The following SACS variants were observed in gnomAD, a reference collection of about 807,000 sequenced individuals.
SACS encodes the protein sacsin molecular chaperone, also known as sacsin.
In SACS, 197 loss-of-function variants were observed where a neutral mutation model predicts 348.0. The ratio of observed to expected loss-of-function variants is 0.57; its 90% CI spans 0.50 to 0.64. The LOEUF is 0.64. Ranked by LOEUF, SACS falls within the 30% of genes least tolerant of loss-of-function variation. The probability of loss-of-function intolerance (pLI) is 0.00; values close to 1 mark genes in which losing one functional copy is unlikely to be tolerated. For missense variants in SACS, 4,999 were observed against 5,360.8 expected (o/e 0.93, Z 2.11); for synonymous variants, 1,985 against 1,910.6 (o/e 1.04, Z -1.02).
chr13:23,366,863 A>T (rs1871097746), intron 5 of SACS, among the ~76,000 whole-genome samples: 1 of 152,218 alleles, frequency 6.6e-6, no homozygotes, highest in Non-Finnish European at 1.5e-5. Flanking sequence ...TGTTTCAGCA[A>T]ACACAAATAC....
rs752457263 is a variant in SACS, at chr13:23,334,911, T to C, written c.8965A>G (p.Met2989Val). 2 of 1,613,876 alleles carry C rather than the reference T, an allele frequency of 1.2e-6. No individual in the cohort carries two copies. Among genetic ancestry groups the C allele is most frequent in the South Asian group, 1.1e-5 (1 of 91,078 alleles). ...CGCACAACAGGTAAAAGACGTTTCA[T>C]GTCTTCGTGAATGCAATTGTAAAGT... is the stretch of plus-strand genomic sequence containing the variant. ...KALYNCIHED[M>V]KRLLPVVRAP... is the part of the protein sequence containing the mutation. The change falls in exon 10 of 10, where the codon ATG becomes GTG. Residue 2989 changes from methionine to valine, a missense_variant. Physicochemically the swap from Met to Val is conservative, Grantham distance 21. Coordinates refer to ENST00000382292, the MANE Select transcript of SACS (RefSeq NM_014363.6).
In SACS at chr13:23,333,115, T is replaced by C; in HGVS notation, c.10761A>G (p.Arg3587=). 5 of 1,613,700 alleles carry C rather than the reference T, an allele frequency of 3.1e-6. No homozygotes were observed. Among genetic ancestry groups the C allele is most frequent in the Non-Finnish European group, 4.2e-6 (5 of 1,179,748 alleles). Residue 3587 remains arginine (R), a synonymous_variant, in exon 10 of 10, where the codon AGA becomes AGG. Coordinates refer to ENST00000382292, the MANE Select transcript of SACS (RefSeq NM_014363.6). ...AAAGTATGTATTTTAGTCCAATATT[T>C]CTTAAGAATTCCACCCAGGATGTCA... The part of the protein sequence containing the change: ...TFMTSWVEFL[R]NIGLKYILSQ...
chr13:23,407,978 A>G (rs1873307064), intron 2 of SACS, among the ~76,000 whole-genome samples: 1 of 152,202 alleles, frequency 6.6e-6, no homozygotes, highest in Admixed American at 6.5e-5. Context: ...CTCACACTGC[A>G]CATTGGCTGT....
chr13:23,346,767 A>G (rs1487163496), intron 9 of SACS: 3 of 956,112 alleles, frequency 3.1e-6, no homozygotes, highest in Non-Finnish European at 3.7e-6. Flanking sequence ...CCAAATGAAC[A>G]AAAACATCAG....
At chr13:23,409,550 G>A (rs1384297367) in intron 2 of SACS, among the ~76,000 whole-genome samples, 1 of 148,664 alleles carries the variant, frequency 6.7e-6, no homozygotes, top group Non-Finnish European at 1.5e-5. Flanking sequence ...GTTTTGCCAT[G>A]TTGGTCAGGC....
At chr13:23,400,613 G>A (rs567196042) in intron 2 of SACS, among the ~76,000 whole-genome samples, 8 of 152,200 alleles carry the variant, frequency 5.3e-5, no homozygotes, top group East Asian at 3.9e-4. Flanking sequence ...GTAGAGACAC[G>A]GTTTCACCGT....
intron 9 of SACS, among the ~76,000 whole-genome samples, chr13:23,345,055 C>T (rs1869509637): frequency 6.6e-6 from 1 of 152,200 alleles, no homozygotes; most frequent in Non-Finnish European, 1.5e-5. Context: ...CTACATTCAA[C>T]CAGACTCCTC....
rs754911495 is a variant in SACS, at chr13:23,336,767, T to C, written c.7109A>G (p.Tyr2370Cys). ...SFHLNFEAAP[Y>C]LYQLPNKYKN... The stretch of plus-strand genomic sequence containing the variant: ...ATACTTATTAGGCAACTGATAAAGG[T>C]ATGGTGCCGCCTCAAAATTTAAATG... Residue 2370 changes from tyrosine to cysteine, a missense_variant, in exon 10 of 10, where the codon TAC becomes TGC. Physicochemically the swap from Tyr to Cys is radical, Grantham distance 194. Coordinates refer to ENST00000382292, the MANE Select transcript of SACS (RefSeq NM_014363.6). The C allele has an allele frequency of 1.2e-6, 2 of 1,613,836 alleles. No homozygotes were observed. The highest frequency in any genetic ancestry group is 2.7e-5 in the African/African-American group (2 of 74,902).
At position 23,375,202 on chromosome 13, in the gene SACS, T is replaced by C. The variant is rs762804757; in HGVS notation, c.88A>G (p.Thr30Ala). 2 of 1,501,360 alleles carry C rather than the reference T, an allele frequency of 1.3e-6. No homozygotes were observed. Among genetic ancestry groups the C allele is most frequent in the South Asian group, 1.3e-5 (1 of 79,296 alleles). The allele number at this position is 1,501,360 out of a possible 1,614,324, so 93.0% of individuals were successfully genotyped here. ...ATACGTTCCTTCACATCGCGCACGG[T>C]CCAGGACGCCAGCGCCGCGACGGTC... Reference protein sequence around the residue: ...CRTVAALASWTVRDVKERIFA... With the variant: ...CRTVAALASWAVRDVKERIFA... Residue 30 changes from threonine to alanine, a missense_variant, in exon 3 of 10, where the codon ACC becomes GCC. Physicochemically the swap from Thr to Ala is moderately conservative, Grantham distance 58. Transcript: ENST00000382292.
At chr13:23,408,172 C>T (rs752481206) in intron 2 of SACS, among the ~76,000 whole-genome samples, 11 of 152,010 alleles carry the variant, frequency 7.2e-5, no homozygotes, top group Non-Finnish European at 1.2e-4. Flanking sequence ...ATGAAGCCCC[C>T]GCCCCCCAAC....
In SACS at chr13:23,336,512, T is replaced by A. The variant is rs1165153689; in HGVS notation, c.7364A>T (p.Asp2455Val). ...EKNYGKILLP[D>V]TNLMLLPAKS... ...AGCAGGGAGAAGCATAAGATTAGTA[T>A]CTGGCAATAATATCTTGCCATAATT... The change falls in exon 10 of 10, where the codon GAT (aspartate) becomes GTT (valine). Residue 2455 changes from aspartate (D) to valine (V), a missense_variant. This residue lies in a region of SACS where 3,156 missense variants were observed against 3,380.1 expected (regional missense o/e 0.93). Coordinates refer to ENST00000382292, the MANE Select transcript of SACS (RefSeq NM_014363.6). The A allele has an allele frequency of 6.2e-7, 1 of 1,614,034 alleles. No individual in the cohort carries two copies. The highest frequency in any genetic ancestry group is 1.7e-5 in the Admixed American group (1 of 60,026).
chr13:23,369,315 C>G (rs960899009), intron 4 of SACS, among the ~76,000 whole-genome samples: 2 of 152,102 alleles, frequency 1.3e-5, no homozygotes, highest in African/African-American at 4.8e-5. Flanking sequence ...ATTCTTAGAC[C>G]AACTGACCAG....
intron 2 of SACS, among the ~76,000 whole-genome samples, chr13:23,406,345 C>T (rs981426662): frequency 2.4e-4 from 36 of 148,520 alleles, no homozygotes; most frequent in African/African-American, 8.2e-4. Flanking sequence ...CACATGGACA[C>T]GGTGGGGGGA....
At chr13:23,403,369 T>C (rs1253214406) in intron 2 of SACS, among the ~76,000 whole-genome samples, 2 of 152,162 alleles carry the variant, frequency 1.3e-5, no homozygotes, top group East Asian at 1.9e-4. Flanking sequence ...CTGGTAGAAT[T>C]TGGCTGCTCC....
chr13:23,381,464 AC>A (rs1443333380), intron 2 of SACS, among the ~76,000 whole-genome samples: 1 of 152,046 alleles, frequency 6.6e-6, no homozygotes, highest in Non-Finnish European at 1.5e-5. Context: ...AAACACTCCT[AC>A]TAGCCTGCAC....
Position 23,337,300 on chromosome 13 carries a change from G to T in SACS, c.6576C>A (p.Ile2192=), listed in dbSNP as rs145327845. The change falls in exon 10 of 10, where the codon ATC becomes ATA. Residue 2192 remains isoleucine, a synonymous_variant. Transcript: ENST00000382292. ...CLRSSILLSL[I]DEKLKIRDPR... ...GATCCCTTATTTTTAGTTTCTCATC[G>T]ATAAGACTCAATAAGATACTACTTC... 1 of 1,613,448 alleles carries T rather than the reference G, an allele frequency of 6.2e-7. No homozygotes were observed. Among genetic ancestry groups the T allele is most frequent in the African/African-American group, 1.3e-5 (1 of 74,816 alleles).
At chr13:23,371,372 G>C (rs937372894) in intron 3 of SACS, among the ~76,000 whole-genome samples, 1 of 152,042 alleles carries the variant, frequency 6.6e-6, no homozygotes, top group Non-Finnish European at 1.5e-5. Flanking sequence ...AAGATTTTTC[G>C]TTAATTACAA....
intron 2 of SACS, among the ~76,000 whole-genome samples, chr13:23,396,050 G>C (rs1315410037): frequency 1.3e-5 from 2 of 152,136 alleles, no homozygotes; most frequent in Non-Finnish European, 2.9e-5. Flanking sequence ...CAGGCCGGGT[G>C]CAGTAGTTCA....
Position 23,336,939 on chromosome 13 carries a change from C to G in SACS, c.6937G>C (p.Glu2313Gln). Residue 2313 changes from glutamate to glutamine, a missense_variant, in exon 10 of 10, where the codon GAG becomes CAG. Transcript: ENST00000382292. ...TTGTAGCAAGCATTGGTGATATTCT[C>G]CTGGTACAGTGTAATTCCATCATCA... is the stretch of plus-strand genomic sequence containing the variant. ...SVDDGITLYQENITNACYKYL... is the reference protein window; with the variant it reads ...SVDDGITLYQQNITNACYKYL... 2 of 1,613,882 alleles carry G rather than the reference C, an allele frequency of 1.2e-6. No homozygotes were observed.
Sources: gnomAD v4.1 joint callset for allele counts (sites outside exome capture counted in the v4.1 genomes callset) on GRCh38, gnomAD v4.1.1 for gene constraint, gnomAD v4.1.1 regional missense constraint, MANE v1.5 for transcripts, NCBI Gene and HGNC (gene_info 2026-07-23, HGNC 2026-07-21) for gene names.